The following MAML3 variants were observed in gnomAD, a reference collection of about 807,000 sequenced individuals.
MAML3 encodes the protein mastermind-like protein 3.
A neutral mutation model predicts 101.9 loss-of-function variants in MAML3; 27 were observed. The ratio of observed to expected loss-of-function variants is 0.27; its 90% CI spans 0.20 to 0.37. The LOEUF is 0.37. Ranked by LOEUF, MAML3 falls within the 10% of genes least tolerant of loss-of-function variation. The pLI, the probability that MAML3 is intolerant of heterozygous loss-of-function variation, is 1.00. For synonymous variants in MAML3, 501 were observed against 555.9 expected (o/e 0.90, Z 1.39); for missense variants, 1,316 against 1,444.9 (o/e 0.91, Z 1.45).
intron 1 of MAML3, chr4:140,133,951 A>G (rs1728839850): frequency 2.8e-6 from 1 of 357,190 alleles, no homozygotes; most frequent in Admixed American, 3.8e-5. Context: ...TAACACCTCA[A>G]AATGTATGAT....
rs939169941 is a variant in MAML3, at chr4:140,051,890, G to A, written c.468+100970C>T. 1.8e-4 allele frequency among the ~76,000 whole-genome samples: 28 copies of A among 152,218 alleles called. No individual in the cohort carries two copies. The East Asian group carries it at 2.3e-3, about 13-fold the overall frequency. The stretch of plus-strand genomic sequence containing the variant: ...AACCAGGCTTCCTGATTTAAAGCCC[G>A]TGACTTAGCCACTGGGCCACCAGAA... On this transcript the variant is annotated intron_variant, in intron 1 of 4. Coordinates refer to ENST00000509479, the MANE Select transcript of MAML3 (RefSeq NM_018717.5).
chr4:140,103,562 A>G (rs1417279141), intron 1 of MAML3, among the ~76,000 whole-genome samples: 1 of 152,234 alleles, frequency 6.6e-6, no homozygotes, highest in African/African-American at 2.4e-5. Flanking sequence ...AAAGCCTTTC[A>G]TCTAAAATTC....
intron 1 of MAML3, among the ~76,000 whole-genome samples, chr4:140,014,694 T>C (rs2110865949): frequency 6.6e-6 from 1 of 152,358 alleles, no homozygotes; most frequent in African/African-American, 2.4e-5. Context: ...GTTTTTTTGT[T>C]GTTGCTGTTG....
chr4:140,051,234 A>G (rs1026590598), intron 1 of MAML3, among the ~76,000 whole-genome samples: 29 of 152,202 alleles, frequency 1.9e-4, no homozygotes, highest in African/African-American at 6.3e-4. Flanking sequence ...TAAAGGTGTC[A>G]AGAGCAGTAA....
chr4:139,953,976 C>T (rs1028468881), intron 1 of MAML3, among the ~76,000 whole-genome samples: 1 of 152,198 alleles, frequency 6.6e-6, no homozygotes, highest in Non-Finnish European at 1.5e-5. Context: ...CACACACCTT[C>T]ATAAAAAGGA....
chr4:139,768,563 A>G (rs974431879), intron 2 of MAML3, among the ~76,000 whole-genome samples: 18 of 152,208 alleles, frequency 1.2e-4, no homozygotes, highest in Non-Finnish European at 2.4e-4. Context: ...AGTTGTAAAT[A>G]CCTCCTTATG....
In MAML3 at chr4:140,054,382, A is replaced by G. The variant is rs917981787; in HGVS notation, c.468+98478T>C. The stretch of plus-strand genomic sequence containing the variant: ...AGACTCCGTCTCAAAAAAAAAAAAA[A>G]AAGAAAAGAAAAGAAAAAAGAAAAA... On this transcript the variant is annotated intron_variant, in intron 1 of 4. Coordinates refer to ENST00000509479, the MANE Select transcript of MAML3 (RefSeq NM_018717.5). Among the ~76,000 whole-genome samples, 167 of 151,822 alleles carry G rather than the reference A, an allele frequency of 1.1e-3. 1 individual carries two copies. Among genetic ancestry groups the G allele is most frequent in the African/African-American group, 3.9e-3 (160 of 41,466 alleles).
chr4:139,878,732 G>C (rs1416274666), intron 2 of MAML3, among the ~76,000 whole-genome samples: 1 of 152,182 alleles, frequency 6.6e-6, no homozygotes, highest in Non-Finnish European at 1.5e-5. Context: ...AAAGTTGCTT[G>C]TCTGCCATCC....
At chr4:139,801,181 CTT>C (rs1730597344) in intron 2 of MAML3, among the ~76,000 whole-genome samples, 1 of 152,226 alleles carries the variant, frequency 6.6e-6, no homozygotes, top group South Asian at 2.1e-4. Flanking sequence ...AAGATCTCCT[CTT>C]GAGAGGACAC....
At chr4:140,034,854 C>G (rs1169164283) in intron 1 of MAML3, among the ~76,000 whole-genome samples, 1 of 152,178 alleles carries the variant, frequency 6.6e-6, no homozygotes, top group Non-Finnish European at 1.5e-5. Context: ...AATCAAATAA[C>G]ATATTGATGG....
At chr4:139,739,972 C>A (rs1729103923) in intron 2 of MAML3, among the ~76,000 whole-genome samples, 1 of 152,178 alleles carries the variant, frequency 6.6e-6, no homozygotes, top group South Asian at 2.1e-4. Flanking sequence ...CCACCTTACG[C>A]TCTAGAGGGT....
intron 1 of MAML3, among the ~76,000 whole-genome samples, chr4:139,923,268 C>A (rs1466583460): frequency 6.6e-6 from 1 of 152,168 alleles, no homozygotes; most frequent in Non-Finnish European, 1.5e-5. Flanking sequence ...CTTTACCAGC[C>A]CCACCCTGCA....
intron 2 of MAML3, among the ~76,000 whole-genome samples, chr4:139,803,229 C>G (rs1053246233): frequency 1.3e-5 from 2 of 152,136 alleles, no homozygotes; most frequent in Non-Finnish European, 2.9e-5. Context: ...GCATGCCAGT[C>G]TGGGCAACAG....
intron 2 of MAML3, among the ~76,000 whole-genome samples, chr4:139,883,889 CTTTTTTTTTT>C (rs70943452): frequency 1.3e-5 from 1 of 74,324 alleles, no homozygotes; most frequent in Non-Finnish European, 2.5e-5. Flanking sequence ...AATTGCTTGT[CTTTTTTTTTT>C]TTTTTTTTTT....
At chr4:139,807,660 T>C (rs1169922411) in intron 2 of MAML3, among the ~76,000 whole-genome samples, 1 of 152,196 alleles carries the variant, frequency 6.6e-6, no homozygotes, top group Non-Finnish European at 1.5e-5. Flanking sequence ...GAAAACACAC[T>C]GCTTTTACAC....
chr4:139,956,190 T>G (rs1447354400), intron 1 of MAML3, among the ~76,000 whole-genome samples: 8 of 152,336 alleles, frequency 5.3e-5, no homozygotes, highest in Non-Finnish European at 1.0e-4. Flanking sequence ...ATTTCTGGCA[T>G]GTCTACCATT....
intron 1 of MAML3, among the ~76,000 whole-genome samples, chr4:140,084,542 C>T (rs932775643): frequency 2.0e-5 from 3 of 152,126 alleles, no homozygotes; most frequent in African/African-American, 7.2e-5. Flanking sequence ...CTAAATTCTT[C>T]AACTTCCTGT....
chr4:139,980,329 C>T (rs756337257), intron 1 of MAML3, among the ~76,000 whole-genome samples: 3 of 152,180 alleles, frequency 2.0e-5, no homozygotes, highest in African/African-American at 4.8e-5. Flanking sequence ...CCTTCCCCCA[C>T]CCTCTGCATA....
chr4:140,074,582 G>A (rs752806280), intron 1 of MAML3, among the ~76,000 whole-genome samples: 4 of 152,208 alleles, frequency 2.6e-5, no homozygotes, highest in African/African-American at 4.8e-5. Flanking sequence ...ACAACATGCA[G>A]TCTATTCCGC....
Sources: allele counts gnomAD v4.1 joint callset (sites outside exome capture counted in the v4.1 genomes callset), GRCh38; gene constraint gnomAD v4.1.1; transcripts MANE v1.5; gene names NCBI Gene and HGNC (gene_info 2026-07-23, HGNC 2026-07-21).